CTNNA2: variants seen among roughly 807,000 people sequenced by gnomAD.
The protein encoded by CTNNA2 is catenin alpha 2.
Under a neutral mutation model 101.0 loss-of-function variants are expected in CTNNA2, and 42 were observed. The observed-to-expected ratio is 0.42, with a 90% CI of 0.32 to 0.54. The LOEUF (loss-of-function observed/expected upper bound fraction) is 0.54, where lower values mean the gene tolerates loss of function less well. CTNNA2 is among the 20% of genes least tolerant of loss of function. The pLI, the probability that CTNNA2 is intolerant of heterozygous loss-of-function variation, is 0.14. For missense variants in CTNNA2, 871 were observed against 1,223.1 expected, an observed-to-expected ratio of 0.71 and a Z score of 4.29; for synonymous variants, 450 against 456.4, an observed-to-expected ratio of 0.99 and a Z score of 0.18.
chr2:79,555,854 T>A (rs1055039933), intron 1 of CTNNA2, among the ~76,000 whole-genome samples: 1 of 152,118 alleles, frequency 6.6e-6, no homozygotes, highest in African/African-American at 2.4e-5. Flanking sequence ...TAAACAAATG[T>A]GAAAAATGTA....
At chr2:80,382,252 T>A (rs1676581435) in intron 7 of CTNNA2, among the ~76,000 whole-genome samples, 1 of 152,152 alleles carries the variant, frequency 6.6e-6, no homozygotes, top group Non-Finnish European at 1.5e-5. Context: ...TATTTCTAAT[T>A]TGCTTAGCAC....
intron 7 of CTNNA2, among the ~76,000 whole-genome samples, chr2:80,342,210 T>C (rs1672309226): frequency 1.3e-5 from 2 of 152,232 alleles, no homozygotes. Flanking sequence ...TGCACAACTC[T>C]GAACTCATTA....
At chr2:79,415,702 T>C (rs909757786) in intron 4 of CTNNA2, among the ~76,000 whole-genome samples, 1 of 152,150 alleles carries the variant, frequency 6.6e-6, no homozygotes, top group Admixed American at 6.6e-5. Flanking sequence ...CATCCTGTTA[T>C]ATTTGAACAT....
intron 2 of CTNNA2, among the ~76,000 whole-genome samples, chr2:79,270,258 C>G (rs1675049509): frequency 6.6e-6 from 1 of 152,056 alleles, no homozygotes; most frequent in South Asian, 2.1e-4. Flanking sequence ...AAAGAAGAAT[C>G]CCATGATTTA....
intron 7 of CTNNA2, among the ~76,000 whole-genome samples, chr2:80,042,005 C>T (rs1696095424): frequency 6.6e-6 from 1 of 152,158 alleles, no homozygotes; most frequent in Non-Finnish European, 1.5e-5. Context: ...TGCTCTATTG[C>T]CCAGGCTGGA....
chr2:79,701,439 T>A (rs925486306), intron 2 of CTNNA2, among the ~76,000 whole-genome samples: 2 of 152,274 alleles, frequency 1.3e-5, no homozygotes, highest in African/African-American at 4.8e-5. Context: ...CTTGTCACTG[T>A]AATGTTCTTC....
intron 2 of CTNNA2, among the ~76,000 whole-genome samples, chr2:79,205,278 G>A (rs564794878): frequency 6.6e-6 from 1 of 152,266 alleles, no homozygotes; most frequent in African/African-American, 2.4e-5. Flanking sequence ...CCAGATATTT[G>A]AATCTTCCCA....
chr2:79,257,133 T>A (rs945618490), intron 2 of CTNNA2, among the ~76,000 whole-genome samples: 16 of 152,310 alleles, frequency 1.1e-4, no homozygotes, highest in African/African-American at 3.4e-4. Flanking sequence ...CTCTCCTTTT[T>A]GCCTTTGTAT....
intron 1 of CTNNA2, among the ~76,000 whole-genome samples, chr2:79,538,170 A>G: frequency 6.6e-6 from 1 of 152,150 alleles, no homozygotes; most frequent in East Asian, 1.9e-4. Context: ...TCTATAACCT[A>G]TTAATAAATA....
At chr2:80,089,603 A>G (rs1699655955) in intron 7 of CTNNA2, among the ~76,000 whole-genome samples, 1 of 152,058 alleles carries the variant, frequency 6.6e-6, no homozygotes, top group Non-Finnish European at 1.5e-5. Context: ...AAAAAAAATT[A>G]GTAAAATTAG....
At chr2:79,514,447 T>A (rs936317646) in intron 1 of CTNNA2, among the ~76,000 whole-genome samples, 2 of 152,228 alleles carry the variant, frequency 1.3e-5, no homozygotes, top group Non-Finnish European at 2.9e-5. Context: ...AAAAGTTGAA[T>A]TAGCTTCGGA....
At chr2:79,420,247 A>G (rs1239093906) in intron 4 of CTNNA2, among the ~76,000 whole-genome samples, 1 of 152,194 alleles carries the variant, frequency 6.6e-6, no homozygotes, top group Non-Finnish European at 1.5e-5. Context: ...CTGCTTCTGT[A>G]GTCTCCAGCA....
In CTNNA2 at chr2:80,302,947, G is replaced by A. The variant is rs757461628; in HGVS notation, c.1057-90264G>A. 1.2e-6 allele frequency: 2 copies of A among 1,613,958 alleles called. No homozygotes were observed. Among genetic ancestry groups the A allele is most frequent in the East Asian group, 4.5e-5 (2 of 44,846 alleles). On this transcript the variant is annotated intron_variant, in intron 7 of 18. Transcript: ENST00000402739. The surrounding 1 kb of genome is among the most constrained non-coding windows in gnomAD (Gnocchi z 6.4). Reference sequence around the variant, plus strand: ...GGATCCGGGGCTCGATGTAGGTGAGGCGGTTGGAGTCCAGCTGCAGGGACT... The same window carrying A: ...GGATCCGGGGCTCGATGTAGGTGAGACGGTTGGAGTCCAGCTGCAGGGACT...
chr2:80,559,886 A>ATGTATTTT (rs1693402460), intron 12 of CTNNA2, among the ~76,000 whole-genome samples: 2 of 140,210 alleles, frequency 1.4e-5, no homozygotes, highest in South Asian at 4.5e-4. Context: ...ATTTATATAT[A>ATGTATTTT]TATATACACA....
chr2:79,271,999 T>A (rs1368004621), intron 2 of CTNNA2, among the ~76,000 whole-genome samples: 1 of 152,046 alleles, frequency 6.6e-6, no homozygotes, highest in African/African-American at 2.4e-5. Context: ...AGGTCCTTAG[T>A]GTGAACCAAA....
intron 3 of CTNNA2, among the ~76,000 whole-genome samples, chr2:79,847,667 A>G (rs1049929447): frequency 1.1e-4 from 16 of 151,412 alleles, no homozygotes; most frequent in Non-Finnish European, 2.2e-4. Flanking sequence ...TTTCATCTGC[A>G]TGATGCCCTC....
intron 7 of CTNNA2, among the ~76,000 whole-genome samples, chr2:80,108,775 C>G (rs985913201): frequency 6.6e-6 from 1 of 152,192 alleles, no homozygotes; most frequent in Non-Finnish European, 1.5e-5. Flanking sequence ...GATCTGACCT[C>G]TTCAAACCCT....
chr2:79,277,584 T>C (rs1675245897), intron 2 of CTNNA2, among the ~76,000 whole-genome samples: 1 of 152,118 alleles, frequency 6.6e-6, no homozygotes, highest in African/African-American at 2.4e-5. Flanking sequence ...TGTTATGCTA[T>C]TTAATTTTTA....
intron 2 of CTNNA2, among the ~76,000 whole-genome samples, chr2:79,240,795 A>G (rs538103573): frequency 6.6e-6 from 1 of 152,180 alleles, no homozygotes; most frequent in African/African-American, 2.4e-5. Context: ...AACAGTTCTG[A>G]GTCTGGGGAA....
Sources: allele counts gnomAD v4.1 joint callset (sites outside exome capture counted in the v4.1 genomes callset), GRCh38; gene constraint gnomAD v4.1.1; non-coding constraint Gnocchi (gnomAD v3.1); transcripts MANE v1.5; gene names NCBI Gene and HGNC (gene_info 2026-07-23, HGNC 2026-07-21).